The following VILL variants were observed in gnomAD, a reference collection of about 807,000 sequenced individuals.
The protein encoded by VILL is villin-like protein.
VILL carries 102 observed loss-of-function variants against 106.3 expected under a neutral mutation model. The observed-to-expected ratio is 0.96, with a 90% CI of 0.82 to 1.13. The LOEUF is 1.13. Ranked by LOEUF, VILL falls within the 50% of genes most tolerant of loss-of-function variation. The pLI is 0.00. For missense variants in VILL, 1,076 were observed against 1,116.6 expected (o/e 0.96, Z 0.52); for synonymous variants, 431 against 440.3 (o/e 0.98, Z 0.27).
chr3:37,993,481 C>G (rs1377975261), intron 1 of VILL, 106 bp from the exon 2 acceptor site: 1 of 607,318 alleles, frequency 1.6e-6, no homozygotes, highest in African/African-American at 1.9e-5. Flanking sequence ...CCACTCATAT[C>G]AGCTGAGCCT....
At chr3:38,006,325 A>C (rs1183197297) in intron 18 of VILL, 73 bp downstream of exon 18, 80 of 1,611,132 alleles carry the variant, frequency 5.0e-5, no homozygotes, top group Non-Finnish European at 6.6e-5. Flanking sequence ...GGGCAGGGGA[A>C]GTGCCAGGCC....
chr3:37,990,320 G>A (rs1227479164), upstream of VILL, among the ~76,000 whole-genome samples: 1 of 152,146 alleles, frequency 6.6e-6, no homozygotes, highest in Non-Finnish European at 1.5e-5. This position sits in a 1 kb window ranked among gnomAD's most constrained non-coding sequence, Gnocchi z 5.1. Context: ...AGGGAGCCCT[G>A]ACCACCTTCC....
intron 18 of VILL, 55 bp from the exon 19 acceptor site, chr3:38,006,394 C>T: frequency 6.3e-7 from 1 of 1,582,976 alleles, no homozygotes; most frequent in South Asian, 1.1e-5. Context: ...AGTGCAGCCT[C>T]CCTGTGGGCT....
rs1179679038 is a variant in VILL, at chr3:38,003,225, A to G, written c.1717A>G (p.Lys573Glu). 2.5e-6 allele frequency: 4 copies of G among 1,613,780 alleles called. No homozygotes were observed. The highest frequency in any genetic ancestry group is 2.7e-5 in the African/African-American group (2 of 74,876). Residue 573 changes from lysine (K) to glutamate (E), a missense_variant, in exon 15 of 20, where the codon AAG becomes GAG. By Grantham distance (56) the Lys-to-Glu change is moderately conservative (BLOSUM62 1). Coordinates refer to ENST00000383759, the MANE Select transcript of VILL (RefSeq NM_015873.4). ...GGTGGTGGTCACTGTCATTTCCAGG[A>G]AGAATGAGGAAACGGTGCTGGAGGG... ...ARVVVTVISR[K>E]NEETVLEGQE...
intron 5 of VILL, 68 bp downstream of exon 5, chr3:37,995,915 A>C (rs1417873792): frequency 7.3e-7 from 1 of 1,372,588 alleles, no homozygotes; most frequent in Non-Finnish European, 1.0e-6. Flanking sequence ...AGGTATAAGG[A>C]GGTTGGAAAT....
intron 4 of VILL, among the ~76,000 whole-genome samples, chr3:37,995,169 A>ATCTTT (rs1296792922): frequency 6.6e-6 from 1 of 152,254 alleles, no homozygotes; most frequent in Non-Finnish European, 1.5e-5. Context: ...GTAGGAATAT[A>ATCTTT]TCTTTCGCTG....
At chr3:38,000,292 G>A (rs1575337418) in intron 11 of VILL, among the ~76,000 whole-genome samples, 1 of 152,160 alleles carries the variant, frequency 6.6e-6, no homozygotes, top group South Asian at 2.1e-4. Context: ...GACTGAGAGA[G>A]GAGGAGATGG....
Position 37,993,654 on chromosome 3 carries a change from T to C in VILL, c.-19T>C, listed in dbSNP as rs760210589. 4.7e-5 allele frequency: 76 copies of C among 1,613,092 alleles called. No homozygotes were observed. The Admixed American group carries it at 1.2e-3, about 26-fold the overall frequency. On this transcript the variant is annotated 5_prime_UTR_variant, in exon 2 of 20. Transcript: ENST00000383759. Reference sequence around the variant, plus strand: ...GGCTGTTGTTCCTTGTGTCGTCCCATATTCCTGCCTGGCCTGCGATGGACA... The same window carrying C: ...GGCTGTTGTTCCTTGTGTCGTCCCACATTCCTGCCTGGCCTGCGATGGACA...
At chr3:38,003,356 T>C (rs1031412561) in intron 15 of VILL, 43 bp downstream of exon 15, 47 of 1,550,974 alleles carry the variant, frequency 3.0e-5, no homozygotes, top group Admixed American at 6.1e-5. Flanking sequence ...AGAGGAGGAA[T>C]TGAGGCCCAG....
chr3:37,995,817 C>G lies in VILL; in HGVS notation c.420C>G (p.Ile140Met), dbSNP rs1699691039. 6.2e-7 allele frequency: 1 copy of G among 1,613,842 alleles called. No individual in the cohort carries two copies. The part of the protein sequence containing the change: ...NLFNIQRLLH[I>M]KGRKHVSATE... ...TCAACATCCAGCGACTGCTGCACAT[C>G]AAAGGGAGGAAGCACGTGTCTGCCA... is the stretch of plus-strand genomic sequence containing the variant. Residue 140 changes from isoleucine to methionine, a missense_variant, in exon 5 of 20, where the codon ATC (isoleucine) becomes ATG (methionine). Ile to Met is a conservative substitution (Grantham distance 10). Transcript: ENST00000383759.
At chr3:38,003,448 A>G in intron 15 of VILL, 135 bp downstream of exon 15, 3 of 1,198,276 alleles carry the variant, frequency 2.5e-6, no homozygotes, top group Non-Finnish European at 3.4e-6. Flanking sequence ...TCCCACTCAC[A>G]GAGGCTCCCA....
Position 37,998,854 on chromosome 3 carries a change from G to A in VILL, c.943-58G>A, listed in dbSNP as rs879267767. 2 of 1,548,492 alleles carry A rather than the reference G, an allele frequency of 1.3e-6. No individual in the cohort carries two copies. Among genetic ancestry groups the A allele is most frequent in the Non-Finnish European group, 1.8e-6 (2 of 1,140,262 alleles). ...GTCCCAGAGCGGTAGGTCCCCAGGA[G>A]CGGCAGTGGGGCAGTGGACTCTCAG... On this transcript the variant is annotated intron_variant, in intron 9 of 19. Coordinates refer to ENST00000383759, the MANE Select transcript of VILL (RefSeq NM_015873.4). This position sits in a 1 kb window ranked among gnomAD's most constrained non-coding sequence, Gnocchi z 4.1.
Position 37,997,332 on chromosome 3 carries a change from C to T in VILL, c.561+145C>T. The stretch of plus-strand genomic sequence containing the variant: ...CTATGAGTTACAAGCTGAGTTCAGA[C>T]CCTGCATTGTTGGTGTCCCCCTGGA... On this transcript the variant is annotated intron_variant, in intron 6 of 19. Transcript: ENST00000383759. This position sits in a 1 kb window ranked among gnomAD's most constrained non-coding sequence, Gnocchi z 4.7. 8.7e-7 allele frequency: 1 copy of T among 1,154,846 alleles called. No homozygotes were observed. The highest frequency in any genetic ancestry group is 2.5e-5 in the East Asian group (1 of 39,926). 71.5% of individuals were successfully genotyped at this position (1,154,846 alleles called of 1,614,324 possible).
chr3:37,996,056 T>C (rs1699695149), intron 5 of VILL, among the ~76,000 whole-genome samples: 1 of 152,142 alleles, frequency 6.6e-6, no homozygotes, highest in Non-Finnish European at 1.5e-5. Context: ...TATGCGTCTA[T>C]CTCAGGGACA....
chr3:38,005,585 CGT>C (rs1257321559), intron 16 of VILL, among the ~76,000 whole-genome samples: 1 of 152,080 alleles, frequency 6.6e-6, no homozygotes, highest in East Asian at 1.9e-4. Flanking sequence ...GTGGATTGAA[CGT>C]GTGTGTGCAT....
upstream of VILL, among the ~76,000 whole-genome samples, chr3:37,989,125 C>T (rs748542165): frequency 2.6e-5 from 4 of 152,096 alleles, no homozygotes; most frequent in African/African-American, 4.8e-5. Flanking sequence ...AACCAGCTGC[C>T]GACGGGCCAG....
At chr3:37,994,931 C>T (rs1359890354) in intron 4 of VILL, among the ~76,000 whole-genome samples, 1 of 152,228 alleles carries the variant, frequency 6.6e-6, no homozygotes, top group African/African-American at 2.4e-5. Flanking sequence ...GTTATTACTT[C>T]TTTTTATTAC....
Position 37,998,846 on chromosome 3 carries a change from C to A in VILL, c.943-66C>A. The A allele has an allele frequency of 1.3e-6, 2 of 1,541,566 alleles. 1 individual carries two copies. The highest frequency in any genetic ancestry group is 1.8e-6 in the Non-Finnish European group (2 of 1,137,174). ...GCTCGGCTGTCCCAGAGCGGTAGGT[C>A]CCCAGGAGCGGCAGTGGGGCAGTGG... On this transcript the variant is annotated intron_variant, in intron 9 of 19. Coordinates refer to ENST00000383759, the MANE Select transcript of VILL (RefSeq NM_015873.4). This position sits in a 1 kb window ranked among gnomAD's most constrained non-coding sequence, Gnocchi z 4.1.
At chr3:37,999,164 G>T in intron 10 of VILL, 114 bp downstream of exon 10, 1 of 1,087,036 alleles carries the variant, frequency 9.2e-7, no homozygotes, top group Non-Finnish European at 1.3e-6. Flanking sequence ...GCCGGAGGGG[G>T]CGGGGCCTGG....
Sources: gnomAD v4.1 joint callset for allele counts (sites outside exome capture counted in the v4.1 genomes callset) on GRCh38, gnomAD v4.1.1 for gene constraint, Gnocchi (gnomAD v3.1) non-coding constraint, MANE v1.5 for transcripts, NCBI Gene and HGNC (gene_info 2026-07-23, HGNC 2026-07-21) for gene names.